The following MSRA variants were observed in gnomAD, a reference collection of about 807,000 sequenced individuals.
MSRA encodes methionine sulfoxide reductase A.
In MSRA, 54 loss-of-function variants were observed where a neutral mutation model predicts 31.3. That is an observed-to-expected ratio of 1.73 (90% CI 1.39 to 2.17). The LOEUF (loss-of-function observed/expected upper bound fraction) is 2.17. Among genes scored for constraint, MSRA ranks in the 30% most tolerant of loss-of-function variants. The probability of loss-of-function intolerance (pLI) is 0.00; values close to 1 mark genes in which losing one functional copy is unlikely to be tolerated. For synonymous variants in MSRA, 169 were observed against 116.5 expected (o/e 1.45, Z -2.90); for missense variants, 507 against 300.9 (o/e 1.69, Z -5.07).
At chr8:10,380,219 T>G (rs962384223) in intron 5 of MSRA, among the ~76,000 whole-genome samples, 1 of 152,232 alleles carries the variant, frequency 6.6e-6, no homozygotes, top group Non-Finnish European at 1.5e-5. Context: ...TCTGCCTAAA[T>G]GTTTATTTCC....
rs77142841 is a variant in MSRA, at chr8:10,256,835, A to C, written c.331+11612A>C. 3.3e-5 allele frequency among the ~76,000 whole-genome samples: 5 copies of C among 152,170 alleles called. No individual in the cohort carries two copies. The East Asian group carries it at 9.7e-4, about 29-fold the overall frequency. On this transcript the variant is annotated intron_variant, in intron 3 of 5. Transcript: ENST00000317173. The stretch of plus-strand genomic sequence containing the variant: ...CAGCCCAGTGGGAGTGTTTCTTGTA[A>C]GATTTCTCAGTTTGGGAGGACCTTG...
At chr8:10,152,653 A>C (rs1413212240) in intron 1 of MSRA, among the ~76,000 whole-genome samples, 1 of 152,156 alleles carries the variant, frequency 6.6e-6, no homozygotes, top group South Asian at 2.1e-4. Context: ...TCCCCCAAAA[A>C]ATCATATGAA....
intron 5 of MSRA, among the ~76,000 whole-genome samples, chr8:10,340,839 C>G (rs1026696778): frequency 1.3e-5 from 2 of 152,240 alleles, no homozygotes; most frequent in Admixed American, 6.5e-5. Flanking sequence ...CATCTCACAT[C>G]AGCTTCTCTG....
At chr8:10,318,472 C>T (rs765874183) in intron 4 of MSRA, among the ~76,000 whole-genome samples, 1 of 152,242 alleles carries the variant, frequency 6.6e-6, no homozygotes, top group Non-Finnish European at 1.5e-5. Context: ...ACAGTTGACA[C>T]ACACGAATTC....
At chr8:10,226,029 A>G in intron 2 of MSRA, among the ~76,000 whole-genome samples, 1 of 152,204 alleles carries the variant, frequency 6.6e-6, no homozygotes, top group East Asian at 1.9e-4. Context: ...AGAGCTCATG[A>G]TGCTAGTCAA....
chr8:10,083,950 G>C (rs963608946), intron 1 of MSRA, among the ~76,000 whole-genome samples: 27 of 152,214 alleles, frequency 1.8e-4, no homozygotes, highest in Admixed American at 1.4e-3. Flanking sequence ...CCAAGGTACA[G>C]CTAAATTTTG....
chr8:10,422,681 C>T (rs546000306), intron 5 of MSRA, among the ~76,000 whole-genome samples: 1 of 152,322 alleles, frequency 6.6e-6, no homozygotes, highest in Admixed American at 6.5e-5. Context: ...GGTCATTCCT[C>T]CCCTGAAGTG....
At chr8:10,211,286 G>T (rs186725580) in intron 2 of MSRA, among the ~76,000 whole-genome samples, 69 of 152,210 alleles carry the variant, frequency 4.5e-4, no homozygotes, top group African/African-American at 1.6e-3. Context: ...AACTGTCGCT[G>T]GCATACAGTC....
intron 3 of MSRA, among the ~76,000 whole-genome samples, chr8:10,265,835 T>A (rs1258771502): frequency 6.6e-6 from 1 of 152,210 alleles, no homozygotes; most frequent in African/African-American, 2.4e-5. Flanking sequence ...GTGTTTGCAT[T>A]TTGTAGAATT....
intron 1 of MSRA, among the ~76,000 whole-genome samples, chr8:10,187,170 G>A (rs1378419463): frequency 2.0e-5 from 3 of 152,280 alleles, no homozygotes; most frequent in Non-Finnish European, 2.9e-5. Context: ...GAAATGGTAC[G>A]ACCAGCCGCT....
chr8:10,275,707 A>G (rs1481759577), intron 3 of MSRA, among the ~76,000 whole-genome samples: 1 of 152,206 alleles, frequency 6.6e-6, no homozygotes, highest in Non-Finnish European at 1.5e-5. Context: ...AGATGCCATG[A>G]GAAACTTGCA....
At chr8:10,135,778 A>G (rs958791120) in intron 1 of MSRA, among the ~76,000 whole-genome samples, 9 of 152,242 alleles carry the variant, frequency 5.9e-5, no homozygotes, top group Admixed American at 4.6e-4. Context: ...ATGTTTGCAT[A>G]TACGCAAACT....
chr8:10,148,151 A>G (rs953732750), intron 1 of MSRA, among the ~76,000 whole-genome samples: 1 of 152,166 alleles, frequency 6.6e-6, no homozygotes, highest in African/African-American at 2.4e-5. Flanking sequence ...ATCTTTTTAG[A>G]TAAGAGTTAC....
At chr8:10,064,999 A>T (rs933201211) in intron 1 of MSRA, among the ~76,000 whole-genome samples, 1 of 152,104 alleles carries the variant, frequency 6.6e-6, no homozygotes, top group African/African-American at 2.4e-5. Context: ...ATGGAATGGT[A>T]GGCTGTCACA....
At chr8:10,277,435 A>T (rs2952262) in intron 3 of MSRA, among the ~76,000 whole-genome samples, 114,306 of 152,080 alleles carry the variant, frequency 0.75, 43,034 homozygotes, top group Admixed American at 0.82. Flanking sequence ...ATTTCTAAGA[A>T]TAGGAAATTG....
At chr8:10,085,643 G>A (rs1798520736) in intron 1 of MSRA, among the ~76,000 whole-genome samples, 1 of 152,148 alleles carries the variant, frequency 6.6e-6, no homozygotes, top group Non-Finnish European at 1.5e-5. Flanking sequence ...TAAAGTAGTG[G>A]AATTTGCTTT....
chr8:10,110,339 A>T (rs1800188851), intron 1 of MSRA, among the ~76,000 whole-genome samples: 1 of 152,128 alleles, frequency 6.6e-6, no homozygotes, highest in African/African-American at 2.4e-5. Flanking sequence ...AGTGTGGATT[A>T]TCCAGATTTG....
intron 1 of MSRA, among the ~76,000 whole-genome samples, chr8:10,077,888 G>A (rs879423712): frequency 4.4e-4 from 67 of 152,148 alleles, no homozygotes; most frequent in African/African-American, 1.5e-3. Flanking sequence ...AATTCTGTAC[G>A]TTGTTGCTAC....
intron 5 of MSRA, among the ~76,000 whole-genome samples, chr8:10,360,331 A>G (rs192076463): frequency 3.1e-4 from 47 of 152,324 alleles, no homozygotes; most frequent in Non-Finnish European, 5.6e-4. Flanking sequence ...AGAACAAAAA[A>G]CAAACAAAAA....
Sources: gnomAD v4.1 joint callset for allele counts (sites outside exome capture counted in the v4.1 genomes callset) on GRCh38, gnomAD v4.1.1 for gene constraint, MANE v1.5 for transcripts, NCBI Gene and HGNC (gene_info 2026-07-23, HGNC 2026-07-21) for gene names.